The following NAA30 variants were observed in gnomAD, a reference collection of about 807,000 sequenced individuals.
The protein encoded by NAA30 is N-alpha-acetyltransferase 30.
A neutral mutation model predicts 31.4 loss-of-function variants in NAA30; 5 were observed. The ratio of observed to expected loss-of-function variants is 0.16; its 90% CI spans 0.08 to 0.33. The LOEUF is 0.33. Among genes scored for constraint, NAA30 ranks in the 10% least tolerant of loss-of-function variants. The pLI is 1.00. For missense variants in NAA30, 428 were observed against 490.8 expected, an observed-to-expected ratio of 0.87 and a Z score of 1.21; for synonymous variants, 222 against 207.1, an observed-to-expected ratio of 1.07 and a Z score of -0.62.
In NAA30 at chr14:57,415,008, A is replaced by G. The variant is rs2066541285; in HGVS notation, c.*5492A>G. Reference sequence around the variant, plus strand: ...GTCTATGTAAGGTTTTTATAATGCTAAGAAATAAGCTTATTTTTAGATATG... The same window carrying G: ...GTCTATGTAAGGTTTTTATAATGCTGAGAAATAAGCTTATTTTTAGATATG... On this transcript the variant is annotated 3_prime_UTR_variant, in exon 5 of 5. Transcript: ENST00000556492. 1 of 152,226 alleles carries G rather than the reference A, an allele frequency of 6.6e-6. No homozygotes were observed. The highest frequency in any genetic ancestry group is 1.5e-5 in the Non-Finnish European group (1 of 68,026). 9.4% of individuals were successfully genotyped at this position (152,226 alleles called of 1,614,324 possible).
At position 57,391,568 on chromosome 14, in the gene NAA30, A is replaced by G; in HGVS notation, c.611A>G (p.Glu204Gly). ...AGCTTAAGAAGCCCTTCGGGCAGGG[A>G]GGTTGAGCCTGGGGAGGATCGGACG... is the stretch of plus-strand genomic sequence containing the variant. ...DCSLRSPSGR[E>G]VEPGEDRTIR... The change falls in exon 2 of 5, where the codon GAG (glutamate) becomes GGG (glycine). Residue 204 changes from glutamate (E) to glycine (G), a missense_variant. This residue lies in a region of NAA30 where 349 missense variants were observed against 310.4 expected (regional missense o/e 1.12). Transcript: ENST00000556492. The surrounding 1 kb of genome is among the most constrained non-coding windows in gnomAD (Gnocchi z 4.1). 1 of 1,614,190 alleles carries G rather than the reference A, an allele frequency of 6.2e-7. No homozygotes were observed. The highest frequency in any genetic ancestry group is 1.1e-5 in the South Asian group (1 of 91,092).
chr14:57,412,228 AAAAAT>A lies in NAA30; in HGVS notation c.*2717_*2721del, dbSNP rs1429364364. 3.9e-5 allele frequency: 6 copies of A among 152,194 alleles called. No homozygotes were observed. The highest frequency in any genetic ancestry group is 1.4e-4 in the African/African-American group (6 of 41,452). 9.4% of individuals were successfully genotyped at this position (152,194 alleles called of 1,614,324 possible). ...TGAAGTTGAAACCAGCAAAATAAGA[AAAAAT>A]AAAAAATCGATTTTAATATTTTCTG... On this transcript the variant is annotated 3_prime_UTR_variant, in exon 5 of 5. Transcript: ENST00000556492.
chr14:57,409,653 G>A lies in NAA30; in HGVS notation c.*137G>A, dbSNP rs557936194. The A allele has an allele frequency of 1.5e-5, 11 of 757,918 alleles. No individual in the cohort carries two copies. Among genetic ancestry groups the A allele is most frequent in the Admixed American group, 9.3e-5 (3 of 32,088 alleles). The allele number at this position is 757,918 out of a possible 1,614,324, so 46.9% of individuals were successfully genotyped here. A position where few individuals can be genotyped will look rare whatever the true frequency, so the allele number is the denominator to read the frequency against. ...ACCTGTCAGTGTCTCATTGAGTGTC[G>A]CACAATATTTGTTGCACTTTGGCAT... On this transcript the variant is annotated 3_prime_UTR_variant, in exon 5 of 5. Transcript: ENST00000556492.
At chr14:57,396,081 TCTC>T (rs2066449053) in intron 2 of NAA30, among the ~76,000 whole-genome samples, 1 of 152,166 alleles carries the variant, frequency 6.6e-6, no homozygotes, top group Non-Finnish European at 1.5e-5. Flanking sequence ...CTCAAGCCAT[TCTC>T]CTATCTCAGC....
intron 4 of NAA30, among the ~76,000 whole-genome samples, chr14:57,405,962 G>A (rs2066496749): frequency 6.6e-6 from 1 of 152,092 alleles, no homozygotes; most frequent in Admixed American, 6.6e-5. Context: ...ATTCAACTCT[G>A]TCAAGTTTCT....
At position 57,405,497 on chromosome 14, in the gene NAA30, A is replaced by T. The variant is rs1464099321; in HGVS notation, c.952-3882A>T. Among the ~76,000 whole-genome samples the T allele has an allele frequency of 2.6e-5, 4 of 152,220 alleles. No individual in the cohort carries two copies. In the East Asian group the frequency reaches 7.7e-4, roughly 29 times the overall value. ...TGTGATAGAGCCTGCAAGGTAAAGA[A>T]CAGAATACAGTGGGGTTAGTTAAGC... is the stretch of plus-strand genomic sequence containing the variant. On this transcript the variant is annotated intron_variant, in intron 4 of 4. Transcript: ENST00000556492.
chr14:57,411,387 T>G lies in NAA30; in HGVS notation c.*1871T>G, dbSNP rs1344819877. The G allele has an allele frequency of 6.6e-6, 1 of 152,142 alleles. No homozygotes were observed. The allele number at this position is 152,142 out of a possible 1,614,324, so 9.4% of individuals were successfully genotyped here. On this transcript the variant is annotated 3_prime_UTR_variant, in exon 5 of 5. Coordinates refer to ENST00000556492, the MANE Select transcript of NAA30 (RefSeq NM_001011713.3). ...AATACCAATCACAGTGATGCTTTTG[T>G]TATTTAATATGAAGGAAATGGAACT...
chr14:57,393,434 A>G (rs2066438100), intron 2 of NAA30, among the ~76,000 whole-genome samples: 1 of 152,186 alleles, frequency 6.6e-6, no homozygotes, highest in African/African-American at 2.4e-5. Flanking sequence ...AGTATGAATC[A>G]GGAGGTATTA....
chr14:57,409,537 A>G lies in NAA30; in HGVS notation c.*21A>G. The G allele has an allele frequency of 6.3e-7, 1 of 1,590,508 alleles. No homozygotes were observed. The highest frequency in any genetic ancestry group is 8.5e-7 in the Non-Finnish European group (1 of 1,172,152). On this transcript the variant is annotated 3_prime_UTR_variant, in exon 5 of 5. Coordinates refer to ENST00000556492, the MANE Select transcript of NAA30 (RefSeq NM_001011713.3). ...GTTGAGAAACTGACATCAAGGAACA[A>G]CTATCATCCGCACAGAATCGACCTT...
rs997125508 is a variant in NAA30, at chr14:57,415,077, T to C, written c.*5561T>C. On this transcript the variant is annotated 3_prime_UTR_variant, in exon 5 of 5. Transcript: ENST00000556492. ...CTTTGCTGTATGAATATCTTAATTT[T>C]CTAATACCTCAGTTTCATGAGAACT... The C allele has an allele frequency of 4.6e-5, 7 of 152,210 alleles. No homozygotes were observed. The highest frequency in any genetic ancestry group is 1.7e-4 in the African/African-American group (7 of 41,436). The allele number at this position is 152,210 out of a possible 1,614,324, so 9.4% of individuals were successfully genotyped here. A position where few individuals can be genotyped will look rare whatever the true frequency, so the allele number is the denominator to read the frequency against.
At chr14:57,394,706 A>T (rs1490271520) in intron 2 of NAA30, among the ~76,000 whole-genome samples, 1 of 152,198 alleles carries the variant, frequency 6.6e-6, no homozygotes, top group African/African-American at 2.4e-5. Context: ...GAACTAATTT[A>T]ATATTTTGTT....
chr14:57,398,403 G>A (rs1450996626), intron 3 of NAA30, among the ~76,000 whole-genome samples: 1 of 152,112 alleles, frequency 6.6e-6, no homozygotes, highest in Non-Finnish European at 1.5e-5. Flanking sequence ...CTTTGTTTGG[G>A]CCATAAAATG....
At chr14:57,402,522 CTT>C (rs1470440285) in intron 4 of NAA30, among the ~76,000 whole-genome samples, 1 of 152,102 alleles carries the variant, frequency 6.6e-6, no homozygotes, top group Non-Finnish European at 1.5e-5. Context: ...ATTAACTTGT[CTT>C]TCTCTCTGAA....
chr14:57,404,075 A>T (rs1165211146), intron 4 of NAA30, among the ~76,000 whole-genome samples: 1 of 152,114 alleles, frequency 6.6e-6, no homozygotes, highest in East Asian at 1.9e-4. Flanking sequence ...TAATCCCAGC[A>T]CTTTGGGAGG....
intron 3 of NAA30, among the ~76,000 whole-genome samples, chr14:57,397,894 G>A (rs2066458371): frequency 1.3e-5 from 2 of 152,160 alleles, no homozygotes; most frequent in South Asian, 4.1e-4. Context: ...CTCTAGCCTG[G>A]GTGACAGAGC....
chr14:57,398,423 T>C lies in NAA30; in HGVS notation c.896-1405T>C, dbSNP rs145708807. 3.9e-5 allele frequency among the ~76,000 whole-genome samples: 6 copies of C among 152,304 alleles called. No homozygotes were observed. The East Asian group carries it at 1.2e-3, about 29-fold the overall frequency. On this transcript the variant is annotated intron_variant, in intron 3 of 4. Coordinates refer to ENST00000556492, the MANE Select transcript of NAA30 (RefSeq NM_001011713.3). Reference sequence around the variant, plus strand: ...TTTGGGCCATAAAATGCGTGCATACTTGTATGCATGGCTTGAAAATTAAGA... The same window carrying C: ...TTTGGGCCATAAAATGCGTGCATACCTGTATGCATGGCTTGAAAATTAAGA...
chr14:57,393,594 A>C (rs2066438710), intron 2 of NAA30, among the ~76,000 whole-genome samples: 1 of 152,194 alleles, frequency 6.6e-6, no homozygotes, highest in Non-Finnish European at 1.5e-5. Context: ...ATATCCTTTT[A>C]GAACTGAAAG....
intron 4 of NAA30, among the ~76,000 whole-genome samples, chr14:57,400,789 GTT>G (rs2066472272): frequency 6.6e-6 from 1 of 151,992 alleles, no homozygotes. Flanking sequence ...ATGTGTTTTT[GTT>G]AACAAAGTCC....
rs1414846098 is a variant in NAA30 at position 57,391,228 on chromosome 14, G to C, written c.271G>C (p.Glu91Gln). 6.2e-7 allele frequency: 1 copy of C among 1,612,202 alleles called. No homozygotes were observed. Among genetic ancestry groups the C allele is most frequent in the Non-Finnish European group, 8.5e-7 (1 of 1,179,848 alleles). Residue 91 changes from glutamate to glutamine, a missense_variant, in exon 2 of 5, where the codon GAA becomes CAA. This residue lies in a region of NAA30 where 349 missense variants were observed against 310.4 expected (regional missense o/e 1.12). Coordinates refer to ENST00000556492, the MANE Select transcript of NAA30 (RefSeq NM_001011713.3). This position sits in a 1 kb window ranked among gnomAD's most constrained non-coding sequence, Gnocchi z 4.1. ...GCAGCTCAACGGATTGATTAGCCCCGAACTGCGGCACCTCCGGGCGGCCGC... is the reference window on the plus strand; with the variant it reads ...GCAGCTCAACGGATTGATTAGCCCCCAACTGCGGCACCTCCGGGCGGCCGC... ...QQQLNGLISP[E>Q]LRHLRAAASL...
Sources: allele counts gnomAD v4.1 joint callset (sites outside exome capture counted in the v4.1 genomes callset), GRCh38; gene constraint gnomAD v4.1.1; regional missense constraint gnomAD v4.1.1; non-coding constraint Gnocchi (gnomAD v3.1); transcripts MANE v1.5; gene names NCBI Gene and HGNC (gene_info 2026-07-23, HGNC 2026-07-21).